The following LRRTM3 variants were observed in gnomAD, a reference collection of about 807,000 sequenced individuals.
The protein encoded by LRRTM3 is leucine-rich repeat transmembrane neuronal protein 3.
A neutral mutation model predicts 44.7 loss-of-function variants in LRRTM3; 24 were observed. The observed-to-expected ratio is 0.54, with a 90% CI of 0.39 to 0.76. The LOEUF (loss-of-function observed/expected upper bound fraction) is 0.76, where lower values mean the gene tolerates loss of function less well. LRRTM3 is among the 30% of genes least tolerant of loss of function. LRRTM3 has a pLI of 0.00. For synonymous variants in LRRTM3, 277 were observed against 278.7 expected, an observed-to-expected ratio of 0.99 and a Z score of 0.06; for missense variants, 587 against 702.2, an observed-to-expected ratio of 0.84 and a Z score of 1.85.
At chr10:66,943,210 A>T (rs1415548080) in intron 2 of LRRTM3, among the ~76,000 whole-genome samples, 1 of 152,234 alleles carries the variant, frequency 6.6e-6, no homozygotes, top group East Asian at 1.9e-4. Context: ...GAAAAGCTAG[A>T]AGAGTTTCTA....
intron 2 of LRRTM3, among the ~76,000 whole-genome samples, chr10:66,934,460 C>T (rs1847581030): frequency 6.6e-6 from 1 of 152,100 alleles, no homozygotes; most frequent in Non-Finnish European, 1.5e-5. Context: ...AGAAAAGTTA[C>T]ACACTTGCAT....
intron 2 of LRRTM3, among the ~76,000 whole-genome samples, chr10:67,031,581 T>G (rs1172207797): frequency 6.6e-6 from 1 of 152,184 alleles, no homozygotes; most frequent in African/African-American, 2.4e-5. Context: ...GAGGACATAA[T>G]GTAACAGCAC....
intron 2 of LRRTM3, among the ~76,000 whole-genome samples, chr10:66,949,380 A>G (rs1021820708): frequency 3.9e-5 from 6 of 152,100 alleles, no homozygotes; most frequent in African/African-American, 1.2e-4. Flanking sequence ...AACATGGAGA[A>G]ACCCCGTCTC....
chr10:66,942,769 A>G (rs1172946528), intron 2 of LRRTM3, among the ~76,000 whole-genome samples: 1 of 152,194 alleles, frequency 6.6e-6, no homozygotes, highest in Non-Finnish European at 1.5e-5. Flanking sequence ...ATGGTCTGAG[A>G]ACTTAGTAAC....
chr10:67,014,819 T>C (rs1204051930), intron 2 of LRRTM3, among the ~76,000 whole-genome samples: 3 of 152,040 alleles, frequency 2.0e-5, no homozygotes, highest in Non-Finnish European at 4.4e-5. Flanking sequence ...ATTCCAAACA[T>C]AGCTAAATGT....
chr10:67,077,799 A>G (rs1010016881), intron 2 of LRRTM3, among the ~76,000 whole-genome samples: 2 of 152,196 alleles, frequency 1.3e-5, no homozygotes, highest in African/African-American at 4.8e-5. Context: ...ATACTCAATG[A>G]TCATTTATTA....
intron 1 of LRRTM3, 93 bp downstream of exon 1, chr10:66,926,680 A>T: frequency 7.1e-7 from 1 of 1,415,340 alleles, no homozygotes; most frequent in Non-Finnish European, 9.9e-7. Context: ...TATTTTAGAG[A>T]TTACCTTGCT....
At chr10:67,095,794 T>A (rs1372809809) in intron 2 of LRRTM3, among the ~76,000 whole-genome samples, 1 of 151,826 alleles carries the variant, frequency 6.6e-6, no homozygotes, top group African/African-American at 2.4e-5. Flanking sequence ...AATGTAAAAC[T>A]CGTGTACCCA....
intron 2 of LRRTM3, among the ~76,000 whole-genome samples, chr10:67,093,940 T>C (rs542806035): frequency 2.4e-3 from 366 of 152,080 alleles, no homozygotes; most frequent in Admixed American, 5.5e-3. Context: ...AGAATACCTC[T>C]TAAGGCAATA....
chr10:67,093,285 G>A (rs1435725932), intron 2 of LRRTM3, among the ~76,000 whole-genome samples: 1 of 151,842 alleles, frequency 6.6e-6, no homozygotes, highest in African/African-American at 2.4e-5. Context: ...TAGGGTAACT[G>A]TTTATTTTAT....
At chr10:67,045,485 A>G (rs1854674188) in intron 2 of LRRTM3, among the ~76,000 whole-genome samples, 1 of 152,142 alleles carries the variant, frequency 6.6e-6, no homozygotes, top group Non-Finnish European at 1.5e-5. Flanking sequence ...CTGACTTTCA[A>G]TAGATCGCGG....
chr10:67,012,544 C>T (rs1470684978), intron 2 of LRRTM3, among the ~76,000 whole-genome samples: 1 of 152,126 alleles, frequency 6.6e-6, no homozygotes, highest in Non-Finnish European at 1.5e-5. Context: ...TTTCAAAAAG[C>T]ATCATTGTTC....
chr10:67,002,031 G>C (rs539551645), intron 2 of LRRTM3, among the ~76,000 whole-genome samples: 1 of 152,144 alleles, frequency 6.6e-6, no homozygotes, highest in Non-Finnish European at 1.5e-5. Context: ...GGAGGTCACC[G>C]TCTGGTTGAC....
At chr10:66,960,379 G>C (rs977328527) in intron 2 of LRRTM3, among the ~76,000 whole-genome samples, 1 of 152,110 alleles carries the variant, frequency 6.6e-6, no homozygotes, top group Non-Finnish European at 1.5e-5. Flanking sequence ...TGTCAAACCA[G>C]ATGTTGTATG....
At chr10:67,088,631 A>G (rs1335486579) in intron 2 of LRRTM3, among the ~76,000 whole-genome samples, 1 of 152,088 alleles carries the variant, frequency 6.6e-6, no homozygotes, top group Non-Finnish European at 1.5e-5. Flanking sequence ...TGATGCAAGG[A>G]GAACTGTGAC....
At chr10:66,965,669 T>C (rs2132797971) in intron 2 of LRRTM3, among the ~76,000 whole-genome samples, 1 of 151,922 alleles carries the variant, frequency 6.6e-6, no homozygotes, top group African/African-American at 2.4e-5. Context: ...CGGTTACTGA[T>C]TGTCCCAAAG....
Position 67,098,963 on chromosome 10 carries a change from A to T in LRRTM3, c.*1167A>T, listed in dbSNP as rs1858172485. 1 of 151,876 alleles carries T rather than the reference A, an allele frequency of 6.6e-6. No homozygotes were observed. The highest frequency in any genetic ancestry group is 2.4e-5 in the African/African-American group (1 of 41,424). 9.4% of individuals were successfully genotyped at this position (151,876 alleles called of 1,614,324 possible). ...GAATTTGTTTTGCGTTGTGCACTAC[A>T]TCATTTCTCTCCTGAGGAAGAATTT... On this transcript the variant is annotated 3_prime_UTR_variant, in exon 3 of 3. Coordinates refer to ENST00000361320, the MANE Select transcript of LRRTM3 (RefSeq NM_178011.5).
chr10:67,093,657 C>T (rs1857797206), intron 2 of LRRTM3, among the ~76,000 whole-genome samples: 1 of 151,670 alleles, frequency 6.6e-6, no homozygotes, highest in African/African-American at 2.4e-5. Flanking sequence ...ACCCTCCCAA[C>T]AAAACTGAAA....
intron 2 of LRRTM3, among the ~76,000 whole-genome samples, chr10:67,028,638 T>TTTTTTTTA (rs1853535008): frequency 3.6e-5 from 4 of 110,688 alleles, no homozygotes; most frequent in African/African-American, 1.3e-4. Context: ...TACAACAAGC[T>TTTTTTTTA]AGTTCTACTT....
Sources: allele counts gnomAD v4.1 joint callset (sites outside exome capture counted in the v4.1 genomes callset), GRCh38; gene constraint gnomAD v4.1.1; transcripts MANE v1.5; gene names NCBI Gene and HGNC (gene_info 2026-07-23, HGNC 2026-07-21).